ADAMTSL3: variants seen among roughly 807,000 people sequenced by gnomAD.
ADAMTSL3 encodes the protein ADAMTS like 3.
ADAMTSL3 carries 128 observed loss-of-function variants against 201.7 expected under a neutral mutation model. The observed-to-expected ratio is 0.63, with a 90% CI of 0.55 to 0.73. The LOEUF (loss-of-function observed/expected upper bound fraction) is 0.73, where lower values mean the gene tolerates loss of function less well. ADAMTSL3 is among the 30% of genes least tolerant of loss of function. ADAMTSL3 has a pLI of 0.00. For missense variants in ADAMTSL3, 1,990 were observed against 2,119.6 expected, an observed-to-expected ratio of 0.94 and a Z score of 1.20; for synonymous variants, 738 against 748.4, an observed-to-expected ratio of 0.99 and a Z score of 0.23.
intron 19 of ADAMTSL3, among the ~76,000 whole-genome samples, chr15:83,948,179 C>G (rs1292329713): frequency 6.6e-6 from 1 of 152,116 alleles, no homozygotes; most frequent in Non-Finnish European, 1.5e-5. Flanking sequence ...TTCCATAGAA[C>G]TATGAATTAC....
intron 15 of ADAMTSL3, among the ~76,000 whole-genome samples, chr15:83,902,486 G>A (rs534401832): frequency 1.4e-4 from 21 of 152,240 alleles, no homozygotes; most frequent in Non-Finnish European, 3.1e-4. Flanking sequence ...TAGCCAGGAT[G>A]GTCTCGATCT....
chr15:83,735,664 G>GT (rs552221714), intron 3 of ADAMTSL3, among the ~76,000 whole-genome samples: 5,471 of 144,706 alleles, frequency 0.038, 147 homozygotes, highest in African/African-American at 0.07. Context: ...TAACTTCAAG[G>GT]TTTTTTTTTT....
At chr15:83,900,870 T>G (rs1029231490) in intron 15 of ADAMTSL3, among the ~76,000 whole-genome samples, 3 of 152,168 alleles carry the variant, frequency 2.0e-5, no homozygotes, top group Non-Finnish European at 4.4e-5. Flanking sequence ...TCCCGAGAGC[T>G]TTGTCTTTCC....
At chr15:83,907,333 T>C (rs2065857869) in intron 15 of ADAMTSL3, among the ~76,000 whole-genome samples, 2 of 152,218 alleles carry the variant, frequency 1.3e-5, no homozygotes. Flanking sequence ...CATAAACATC[T>C]AGAATGGTGC....
chr15:83,723,299 C>T (rs1461773433), intron 3 of ADAMTSL3, among the ~76,000 whole-genome samples: 1 of 152,110 alleles, frequency 6.6e-6, no homozygotes, highest in Non-Finnish European at 1.5e-5. Flanking sequence ...TTTGCAAACC[C>T]AGTGCTAGTG....
intron 16 of ADAMTSL3, among the ~76,000 whole-genome samples, chr15:83,920,186 A>C (rs1019661959): frequency 1.3e-5 from 2 of 152,332 alleles, no homozygotes; most frequent in Non-Finnish European, 2.9e-5. Flanking sequence ...GCATTGGCCC[A>C]CTATGGGCTC....
intron 27 of ADAMTSL3, among the ~76,000 whole-genome samples, chr15:84,030,508 T>C (rs2068387437): frequency 2.0e-5 from 3 of 152,128 alleles, no homozygotes; most frequent in African/African-American, 7.2e-5. Context: ...TTGGAATGGG[T>C]GTATTTATCC....
chr15:83,972,362 T>C (rs1175246546), intron 20 of ADAMTSL3, among the ~76,000 whole-genome samples: 1 of 152,206 alleles, frequency 6.6e-6, no homozygotes, highest in Non-Finnish European at 1.5e-5. Context: ...GGAGTGTCTG[T>C]AGCATATGGC....
chr15:83,800,658 A>G (rs1382776861), intron 4 of ADAMTSL3, among the ~76,000 whole-genome samples: 1 of 152,220 alleles, frequency 6.6e-6, no homozygotes, highest in Non-Finnish European at 1.5e-5. Context: ...TTAAGTTTCA[A>G]CAAGTTTTGT....
intron 4 of ADAMTSL3, among the ~76,000 whole-genome samples, chr15:83,780,641 A>G (rs535439108): frequency 6.6e-6 from 1 of 152,218 alleles, no homozygotes; most frequent in African/African-American, 2.4e-5. Context: ...AGAAATAAAG[A>G]TCATTTAAAT....
intron 23 of ADAMTSL3, among the ~76,000 whole-genome samples, chr15:84,000,072 GAACT>G (rs894485827): frequency 6.7e-6 from 1 of 149,374 alleles, no homozygotes. Context: ...AAAAAAAAAA[GAACT>G]ATCTCTCCAG....
chr15:84,016,777 T>C (rs1477440299), intron 25 of ADAMTSL3, among the ~76,000 whole-genome samples: 1 of 152,238 alleles, frequency 6.6e-6, no homozygotes, highest in African/African-American at 2.4e-5. Flanking sequence ...ATTTCCAGTT[T>C]CAAAACTATT....
intron 3 of ADAMTSL3, among the ~76,000 whole-genome samples, chr15:83,733,948 G>A (rs1310402793): frequency 6.6e-6 from 1 of 152,164 alleles, no homozygotes; most frequent in Non-Finnish European, 1.5e-5. Flanking sequence ...ATCTGGAGTG[G>A]CGTATAAGGA....
intron 17 of ADAMTSL3, among the ~76,000 whole-genome samples, chr15:83,941,657 T>G (rs1470925026): frequency 6.6e-6 from 1 of 152,222 alleles, no homozygotes; most frequent in Non-Finnish European, 1.5e-5. Flanking sequence ...GAATGGACAG[T>G]TATTTTCTGC....
At chr15:83,765,661 G>A (rs2062877202) in intron 3 of ADAMTSL3, among the ~76,000 whole-genome samples, 1 of 152,024 alleles carries the variant, frequency 6.6e-6, no homozygotes, top group Admixed American at 6.6e-5. Context: ...AATATTTTTG[G>A]CTTTTACCAA....
At position 83,822,004 on chromosome 15, in the gene ADAMTSL3, CT is replaced by C. The variant is rs1422728984; in HGVS notation, c.600+1958del. 7.0e-5 allele frequency among the ~76,000 whole-genome samples: 10 copies of C among 143,138 alleles called. 1 individual carries two copies. The highest frequency in any genetic ancestry group is 7.0e-4 in the South Asian group (3 of 4,310). 93.9% of individuals were successfully genotyped at this position (143,138 alleles called of 152,430 possible). ...GCTGCTGGCCGGGCGGGTTGCTGAC[CT>C]CCCCCACCTCCCTCCCGGACGGGGT... On this transcript the variant is annotated intron_variant, in intron 6 of 29. Coordinates refer to ENST00000286744, the MANE Select transcript of ADAMTSL3 (RefSeq NM_207517.3).
chr15:83,945,561 A>G (rs1157590797), intron 19 of ADAMTSL3, among the ~76,000 whole-genome samples: 1 of 152,198 alleles, frequency 6.6e-6, no homozygotes, highest in Admixed American at 6.5e-5. Context: ...GTGTGTAGGC[A>G]GTATTTATTC....
At chr15:83,680,579 T>G (rs2061465018) in intron 2 of ADAMTSL3, among the ~76,000 whole-genome samples, 1 of 151,792 alleles carries the variant, frequency 6.6e-6, no homozygotes, top group Admixed American at 6.6e-5. Flanking sequence ...TTCTTCTCTT[T>G]TAGTTTTTCT....
Position 83,892,804 on chromosome 15 carries a change from G to A in ADAMTSL3, c.1383G>A (p.Lys461=). The change falls in exon 13 of 30, where the codon AAG becomes AAA. Residue 461 remains lysine, a synonymous_variant. Transcript: ENST00000286744. ...AGATATTGCAGGTGGAAGAATGGAA[G>A]TGCATGTACGCACCCAAACCCAAGG... ...HGEILQVEEW[K]CMYAPKPKVM... The A allele has an allele frequency of 6.2e-7, 1 of 1,614,146 alleles. No homozygotes were observed. The highest frequency in any genetic ancestry group is 8.5e-7 in the Non-Finnish European group (1 of 1,180,018).
Sources: allele counts gnomAD v4.1 joint callset (sites outside exome capture counted in the v4.1 genomes callset), GRCh38; gene constraint gnomAD v4.1.1; transcripts MANE v1.5; gene names NCBI Gene and HGNC (gene_info 2026-07-23, HGNC 2026-07-21).